Variants in U2SURP observed in about 807,000 individuals in gnomAD.
U2SURP encodes the protein U2 snRNP associated SURP domain containing, also known as U2 snRNP-associated SURP motif-containing protein.
U2SURP carries 9 observed loss-of-function variants against 144.9 expected under a neutral mutation model. The observed-to-expected ratio is 0.06, with a 90% CI of 0.04 to 0.11. The LOEUF (loss-of-function observed/expected upper bound fraction) is 0.11. U2SURP is among the 10% of genes least tolerant of loss of function. The pLI is 1.00. For synonymous variants in U2SURP, 408 were observed against 396.8 expected (o/e 1.03, Z -0.33); for missense variants, 724 against 1,226.7 (o/e 0.59, Z 6.12).
chr3:143,004,557 G>C (rs1351024103), intron 1 of U2SURP, among the ~76,000 whole-genome samples: 1 of 88,350 alleles, frequency 1.1e-5, no homozygotes, highest in African/African-American at 7.3e-5. Context: ...TCATCTGTTG[G>C]CCTCTTGACC....
chr3:143,039,047 TGGAAA>T, intron 23 of U2SURP, 87 bp downstream of exon 23: 9 of 1,001,492 alleles, frequency 9.0e-6, no homozygotes, highest in African/African-American at 1.7e-5. Flanking sequence ...AATAGTGAAG[TGGAAA>T]ACTTCACTCT....
chr3:143,056,024 C>T (rs949104203), intron 27 of U2SURP, among the ~76,000 whole-genome samples: 2 of 152,022 alleles, frequency 1.3e-5, no homozygotes, highest in African/African-American at 4.8e-5. Context: ...AATGCAAATT[C>T]TTAGTTCCAT....
At chr3:143,005,953 T>A (rs2108266116) in intron 1 of U2SURP, among the ~76,000 whole-genome samples, 1 of 152,326 alleles carries the variant, frequency 6.6e-6, no homozygotes, top group Non-Finnish European at 1.5e-5. Flanking sequence ...GTATAGGTGG[T>A]TTTAACATTT....
intron 20 of U2SURP, 82 bp downstream of exon 20, chr3:143,036,186 T>C (rs987934699): frequency 1.4e-6 from 2 of 1,390,488 alleles, no homozygotes; most frequent in African/African-American, 2.9e-5. Flanking sequence ...GTGTTACATA[T>C]GTGAGGTACA....
intron 24 of U2SURP, among the ~76,000 whole-genome samples, chr3:143,046,000 TAG>T (rs1388345573): frequency 1.3e-5 from 2 of 152,234 alleles, no homozygotes; most frequent in Non-Finnish European, 2.9e-5. Context: ...TTTCGAGATT[TAG>T]AATCCAAACC....
rs1935331311 is a variant in U2SURP at position 143,060,618 on chromosome 3, C to T, written c.*4168C>T. ...GCCCAGTTAATAATTAGTTTTTTAGCAGCTTTCTCTCAAGTGAAATAAGTG... is the reference window on the plus strand; with the variant it reads ...GCCCAGTTAATAATTAGTTTTTTAGTAGCTTTCTCTCAAGTGAAATAAGTG... On this transcript the variant is annotated 3_prime_UTR_variant, in exon 28 of 28. Transcript: ENST00000473835. The T allele has an allele frequency of 6.6e-6, 1 of 151,952 alleles. No homozygotes were observed. Among genetic ancestry groups the T allele is most frequent in the Admixed American group, 6.6e-5 (1 of 15,248 alleles). 9.4% of individuals were successfully genotyped at this position (151,952 alleles called of 1,614,324 possible).
At chr3:143,036,672 A>G (rs1241614028) in intron 20 of U2SURP, among the ~76,000 whole-genome samples, 3 of 152,116 alleles carry the variant, frequency 2.0e-5, no homozygotes, top group Non-Finnish European at 4.4e-5. Flanking sequence ...TCCACCTACC[A>G]TTGGACTTTG....
intron 16 of U2SURP, among the ~76,000 whole-genome samples, chr3:143,028,889 C>T (rs1933312397): frequency 6.6e-6 from 1 of 152,152 alleles, no homozygotes; most frequent in South Asian, 2.1e-4. Flanking sequence ...ACATGATTGA[C>T]TTATTTCTTT....
At chr3:143,029,759 A>G (rs1933370609) in intron 16 of U2SURP, among the ~76,000 whole-genome samples, 1 of 152,216 alleles carries the variant, frequency 6.6e-6, no homozygotes. Flanking sequence ...CTTGCACCAA[A>G]CAGTGAGCCA....
chr3:143,036,227 A>G (rs1221855036), intron 20 of U2SURP, 123 bp downstream of exon 20: 4 of 1,097,938 alleles, frequency 3.6e-6, no homozygotes, highest in Non-Finnish European at 4.8e-6. Context: ...ATTGCTTACC[A>G]TTAAGTAGTG....
intron 20 of U2SURP, 71 bp downstream of exon 20, chr3:143,036,175 T>G (rs1257848640): frequency 1.6e-5 from 23 of 1,469,150 alleles, no homozygotes; most frequent in Non-Finnish European, 2.0e-5. Context: ...GGAGTTGTTC[T>G]GTGTTACATA....
intron 24 of U2SURP, among the ~76,000 whole-genome samples, chr3:143,050,316 G>A (rs527673256): frequency 8.5e-5 from 13 of 152,182 alleles, no homozygotes; most frequent in Non-Finnish European, 1.2e-4. Flanking sequence ...CAGGTGATCC[G>A]CCCACCTCGG....
chr3:143,058,936 CTT>C lies in U2SURP; in HGVS notation c.*2487_*2488del, dbSNP rs746890971. 5.3e-5 allele frequency: 8 copies of C among 152,010 alleles called. No homozygotes were observed. The highest frequency in any genetic ancestry group is 1.2e-4 in the Non-Finnish European group (8 of 67,810). The allele number at this position is 152,010 out of a possible 1,614,324, so 9.4% of individuals were successfully genotyped here. On this transcript the variant is annotated 3_prime_UTR_variant, in exon 28 of 28. Transcript: ENST00000473835. ...TCCACAGTTCTTATAAAGGGCATGA[CTT>C]AGGCTCTTTACCCTCCAACTTAATG... is the stretch of plus-strand genomic sequence containing the variant.
intron 17 of U2SURP, 39 bp from the exon 18 acceptor site, chr3:143,033,232 T>G (rs1381372181): frequency 8.0e-7 from 1 of 1,244,014 alleles, no homozygotes; most frequent in Admixed American, 2.0e-5. Flanking sequence ...AACATTAGCC[T>G]TATATTAACC....
At chr3:143,011,345 ATAC>A (rs1173711146) in intron 2 of U2SURP, among the ~76,000 whole-genome samples, 1 of 152,182 alleles carries the variant, frequency 6.6e-6, no homozygotes, top group African/African-American at 2.4e-5. Flanking sequence ...TGGATAGATA[ATAC>A]TACAATAAGT....
intron 24 of U2SURP, among the ~76,000 whole-genome samples, chr3:143,048,824 T>G (rs561532256): frequency 1.3e-5 from 2 of 151,756 alleles, no homozygotes; most frequent in South Asian, 4.2e-4. Context: ...GGTTGCAGTG[T>G]GCCAAGGTTG....
intron 4 of U2SURP, 77 bp downstream of exon 4, chr3:143,014,486 G>A (rs1936263776): frequency 5.2e-6 from 5 of 956,418 alleles, no homozygotes; most frequent in Non-Finnish European, 6.0e-6. Context: ...TTAGAGGAAT[G>A]TTTCCCGAAG....
chr3:143,030,199 T>G (rs1021412068), intron 16 of U2SURP, among the ~76,000 whole-genome samples: 1 of 152,218 alleles, frequency 6.6e-6, no homozygotes, highest in African/African-American at 2.4e-5. Flanking sequence ...AAATGTAATT[T>G]AGCACTTTTA....
At chr3:143,045,469 A>T (rs912899225) in intron 24 of U2SURP, among the ~76,000 whole-genome samples, 1 of 152,058 alleles carries the variant, frequency 6.6e-6, no homozygotes, top group East Asian at 1.9e-4. Context: ...TTTCTTGATA[A>T]TACAAGCTAT....
Sources: gnomAD v4.1 joint callset for allele counts (sites outside exome capture counted in the v4.1 genomes callset) on GRCh38, gnomAD v4.1.1 for gene constraint, MANE v1.5 for transcripts, NCBI Gene and HGNC (gene_info 2026-07-23, HGNC 2026-07-21) for gene names.